VCL: variants seen among roughly 807,000 people sequenced by gnomAD.
The protein encoded by VCL is vinculin.
A neutral mutation model predicts 125.7 loss-of-function variants in VCL; 47 were observed. That is an observed-to-expected ratio of 0.37 (90% CI 0.30 to 0.48). VCL has a LOEUF of 0.48. Ranked by LOEUF, VCL falls within the 20% of genes least tolerant of loss-of-function variation. The pLI is 0.99. For synonymous variants in VCL, 458 were observed against 514.6 expected, an observed-to-expected ratio of 0.89 and a Z score of 1.49; for missense variants, 1,069 against 1,455.5, an observed-to-expected ratio of 0.73 and a Z score of 4.32.
At chr10:74,033,719 C>A (rs570170411) in intron 1 of VCL, among the ~76,000 whole-genome samples, 5 of 152,254 alleles carry the variant, frequency 3.3e-5, no homozygotes, top group Admixed American at 6.5e-5. Flanking sequence ...TTTCTAGTCC[C>A]GGTAAGTGAA....
In VCL at chr10:74,026,940, T is replaced by C. The variant is rs561584914; in HGVS notation, c.169-16143T>C. Among the ~76,000 whole-genome samples, 11 of 152,354 alleles carry C rather than the reference T, an allele frequency of 7.2e-5. 1 individual carries two copies. In the South Asian group the frequency reaches 2.3e-3, roughly 32 times the overall value. ...ACAAGTTGGTTGTTTGGAGTTACTT[T>C]TCCATGGAGACAATGTTACATGGTT... On this transcript the variant is annotated intron_variant, in intron 1 of 21. Coordinates refer to ENST00000211998, the MANE Select transcript of VCL (RefSeq NM_014000.3).
At chr10:74,105,912 CTTTTTTT>C (rs34837874) in intron 16 of VCL, among the ~76,000 whole-genome samples, 1 of 70,100 alleles carries the variant, frequency 1.4e-5, no homozygotes, top group African/African-American at 6.2e-5. Flanking sequence ...AACCTCTGCG[CTTTTTTT>C]TTTTTTTTTT....
chr10:74,083,256 C>G, intron 7 of VCL, 110 bp from the exon 8 acceptor site: 1 of 1,436,020 alleles, frequency 7.0e-7, no homozygotes, highest in Non-Finnish European at 9.6e-7. Context: ...TCTATTCACT[C>G]GTCTTGTTTA....
At chr10:74,076,345 C>G (rs1335714990) in intron 6 of VCL, 1 of 152,702 alleles carries the variant, frequency 6.5e-6, no homozygotes, top group Non-Finnish European at 1.5e-5. Context: ...TGTGGGCTAT[C>G]AGGCTGCCTA....
chr10:74,117,714 G>GGGGATCCCT (rs1414763413), intron 21 of VCL, among the ~76,000 whole-genome samples: 2 of 151,880 alleles, frequency 1.3e-5, no homozygotes, highest in East Asian at 1.9e-4. Flanking sequence ...CTGAAGGTGA[G>GGGGATCCCT]GGGATCCCTG....
rs964739371 is a variant in VCL at position 74,101,542 on chromosome 10, GTTTTTTTTTT to G, written c.2022+460_2022+469del. 9.2e-4 allele frequency among the ~76,000 whole-genome samples: 81 copies of G among 88,132 alleles called. 2 individuals are homozygous for G. Among genetic ancestry groups the G allele is most frequent in the African/African-American group, 1.3e-3 (28 of 21,012 alleles). The allele number at this position is 88,132 out of a possible 152,430, so 57.8% of individuals were successfully genotyped here. A position where few individuals can be genotyped will look rare whatever the true frequency, so the allele number is the denominator to read the frequency against. On this transcript the variant is annotated intron_variant, in intron 14 of 21. Transcript: ENST00000211998. ...TTTTTTTTACAAGGACTATTTATTA[GTTTTTTTTTT>G]TTTTTTTTTTTTTTGAGACGGAGTC...
chr10:74,021,451 C>T (rs750386408), intron 1 of VCL, among the ~76,000 whole-genome samples: 6 of 151,912 alleles, frequency 3.9e-5, no homozygotes, highest in Non-Finnish European at 1.5e-5. Flanking sequence ...AGAAGAATGA[C>T]TTAAAACTTC....
At chr10:74,051,750 AAAAAG>A (rs1312231053) in intron 2 of VCL, among the ~76,000 whole-genome samples, 16 of 152,352 alleles carry the variant, frequency 1.1e-4, no homozygotes, top group African/African-American at 3.6e-4. Flanking sequence ...TAAAACAAAC[AAAAAG>A]AAACATTTGG....
At chr10:74,048,969 G>A (rs969980872) in intron 2 of VCL, among the ~76,000 whole-genome samples, 3 of 152,090 alleles carry the variant, frequency 2.0e-5, no homozygotes, top group African/African-American at 7.2e-5. Context: ...TTAGCCGGAC[G>A]TGGTGGCAGG....
chr10:74,041,679 G>A (rs892844670), intron 1 of VCL, among the ~76,000 whole-genome samples: 1 of 151,474 alleles, frequency 6.6e-6, no homozygotes, highest in African/African-American at 2.4e-5. Flanking sequence ...ATCACTTGAG[G>A]TCAGGAGTTC....
At chr10:74,031,747 T>C (rs1370473040) in intron 1 of VCL, among the ~76,000 whole-genome samples, 3 of 151,958 alleles carry the variant, frequency 2.0e-5, no homozygotes, top group African/African-American at 4.8e-5. Context: ...GGTGAAACCC[T>C]GTCTCTACAA....
Position 74,058,022 on chromosome 10 carries a change from C to T in VCL, c.240-12648C>T, listed in dbSNP as rs145432897. ...TTTTAAATATGATGGACTTCTCAGA[C>T]TGGGAAGTGATCTATGCCTTTCTTG... On this transcript the variant is annotated intron_variant, in intron 2 of 21. Coordinates refer to ENST00000211998, the MANE Select transcript of VCL (RefSeq NM_014000.3). Among the ~76,000 whole-genome samples, 579 of 152,256 alleles carry T rather than the reference C, an allele frequency of 3.8e-3. 4 individuals carry two copies. Among genetic ancestry groups the T allele is most frequent in the Middle Eastern group, 0.024 (7 of 294 alleles).
At chr10:74,039,364 A>G (rs1028897996) in intron 1 of VCL, among the ~76,000 whole-genome samples, 5 of 151,842 alleles carry the variant, frequency 3.3e-5, no homozygotes, top group Non-Finnish European at 7.4e-5. Context: ...TAAGTAGTGA[A>G]ACCTTAAGTC....
intron 1 of VCL, among the ~76,000 whole-genome samples, chr10:74,018,908 T>C (rs1375497072): frequency 6.6e-6 from 1 of 152,210 alleles, no homozygotes; most frequent in South Asian, 2.1e-4. Flanking sequence ...TCCCCTTTCA[T>C]ACAAATGAAG....
intron 17 of VCL, among the ~76,000 whole-genome samples, chr10:74,108,172 G>C (rs1020330571): frequency 2.0e-5 from 3 of 152,198 alleles, no homozygotes; most frequent in Non-Finnish European, 4.4e-5. Context: ...CTTCCCAGCT[G>C]GGTGCTTGGT....
chr10:74,099,217 C>T (rs1391933653), intron 13 of VCL, among the ~76,000 whole-genome samples: 2 of 152,162 alleles, frequency 1.3e-5, no homozygotes, highest in Non-Finnish European at 2.9e-5. Flanking sequence ...GGCCAGGGCT[C>T]TGTGATCTAG....
intron 2 of VCL, among the ~76,000 whole-genome samples, chr10:74,046,385 C>T (rs1215083069): frequency 9.9e-5 from 15 of 152,172 alleles, no homozygotes; most frequent in Non-Finnish European, 5.9e-5. Context: ...GCTGGGACTA[C>T]AGGTGTGTGC....
At chr10:74,072,661 T>G (rs918742441) in intron 4 of VCL, 69 bp from the exon 5 acceptor site, 2 of 1,611,366 alleles carry the variant, frequency 1.2e-6, no homozygotes, top group African/African-American at 2.7e-5. Context: ...ATAATGGATT[T>G]AGACTGAGAA....
intron 1 of VCL, among the ~76,000 whole-genome samples, chr10:74,037,435 C>G (rs1841002516): frequency 6.6e-6 from 1 of 152,174 alleles, no homozygotes; most frequent in Non-Finnish European, 1.5e-5. Context: ...CAAAGTGGTT[C>G]TTTGGAAGTT....
Sources: allele counts gnomAD v4.1 joint callset (sites outside exome capture counted in the v4.1 genomes callset), GRCh38; gene constraint gnomAD v4.1.1; transcripts MANE v1.5; gene names NCBI Gene and HGNC (gene_info 2026-07-23, HGNC 2026-07-21).